ZRANB3: variants seen among roughly 807,000 people sequenced by gnomAD.
ZRANB3 encodes zinc finger RANBP2-type containing 3, also known as DNA annealing helicase and endonuclease ZRANB3.
ZRANB3 carries 125 observed loss-of-function variants against 133.8 expected under a neutral mutation model. The ratio of observed to expected loss-of-function variants is 0.93; its 90% CI spans 0.81 to 1.08. The LOEUF (loss-of-function observed/expected upper bound fraction) is 1.08, where lower values mean the gene tolerates loss of function less well. Ranked by LOEUF, ZRANB3 falls within the 50% of genes least tolerant of loss-of-function variation. The pLI is 0.00. For synonymous variants in ZRANB3, 387 were observed against 432.7 expected, an observed-to-expected ratio of 0.89 and a Z score of 1.31; for missense variants, 1,229 against 1,275.5, an observed-to-expected ratio of 0.96 and a Z score of 0.56.
At chr2:135,391,422 A>G (rs914568203) in intron 2 of ZRANB3, among the ~76,000 whole-genome samples, 1 of 152,128 alleles carries the variant, frequency 6.6e-6, no homozygotes, top group Non-Finnish European at 1.5e-5. Flanking sequence ...TGTACCAATG[A>G]CCACCCTCCT....
chr2:135,504,318 A>G lies in ZRANB3; in HGVS notation c.161+11T>C. On this transcript the variant is annotated intron_variant, in intron 2 of 20. Transcript: ENST00000264159. ...ATTTAACATTTTTAGCATGTCTTCA[A>G]AGAACTTTACCTGCCATTTCTTTTG... 1 of 1,612,962 alleles carries G rather than the reference A, an allele frequency of 6.2e-7. No individual in the cohort carries two copies. The highest frequency in any genetic ancestry group is 8.5e-7 in the Non-Finnish European group (1 of 1,179,466).
chr2:135,355,101 G>A, intron 3 of ZRANB3: 2 of 346,740 alleles, frequency 5.8e-6, no homozygotes, highest in Non-Finnish European at 8.1e-6. Context: ...GAAAAGAGCA[G>A]ATTTTGGACT....
In ZRANB3 at chr2:135,197,514, G is replaced by C. The variant is rs1573649129; in HGVS notation, c.*2828C>G. 1 of 152,210 alleles carries C rather than the reference G, an allele frequency of 6.6e-6. No homozygotes were observed. The highest frequency in any genetic ancestry group is 2.4e-5 in the African/African-American group (1 of 41,448). The allele number at this position is 152,210 out of a possible 1,614,324, so 9.4% of individuals were successfully genotyped here. A position where few individuals can be genotyped will look rare whatever the true frequency, so the allele number is the denominator to read the frequency against. On this transcript the variant is annotated 3_prime_UTR_variant, in exon 21 of 21. Transcript: ENST00000264159. ...AGGAAAATCTCCCCAAGAAATGTAC[G>C]TTGGGCTGTAATTAACGCCAAGAGT...
At chr2:135,497,090 G>A (rs55693901) in intron 2 of ZRANB3, among the ~76,000 whole-genome samples, 15,874 of 152,118 alleles carry the variant, frequency 0.1, 1,091 homozygotes, top group South Asian at 0.32. Flanking sequence ...ACAGGACACC[G>A]AAAGAGCAAT....
chr2:135,259,446 C>G (rs1253017157), intron 12 of ZRANB3, among the ~76,000 whole-genome samples: 3 of 151,542 alleles, frequency 2.0e-5, no homozygotes, highest in Middle Eastern at 3.2e-3. Flanking sequence ...TGGAGTTTCG[C>G]TGTTGTTGCC....
chr2:135,366,685 A>G (rs1382414442), intron 3 of ZRANB3, among the ~76,000 whole-genome samples: 1 of 152,156 alleles, frequency 6.6e-6, no homozygotes, highest in East Asian at 1.9e-4. Flanking sequence ...AGAAAAAGAA[A>G]GAGAAAACTA....
chr2:135,250,123 A>G (rs1438844532), intron 12 of ZRANB3, among the ~76,000 whole-genome samples: 1 of 152,154 alleles, frequency 6.6e-6, no homozygotes, highest in Non-Finnish European at 1.5e-5. Context: ...GGGGATGAGG[A>G]ATTTGCTGGG....
intron 12 of ZRANB3, among the ~76,000 whole-genome samples, chr2:135,261,166 G>A (rs1679945898): frequency 6.6e-6 from 1 of 151,908 alleles, no homozygotes; most frequent in Admixed American, 6.6e-5. Flanking sequence ...TCTAAAAATG[G>A]AGATGCTGGA....
chr2:135,443,225 G>T (rs1194270840), intron 2 of ZRANB3, among the ~76,000 whole-genome samples: 1 of 152,006 alleles, frequency 6.6e-6, no homozygotes, highest in African/African-American at 2.4e-5. Flanking sequence ...TCCTTTACAG[G>T]GACATGGAAG....
chr2:135,405,245 G>A (rs550240279), intron 2 of ZRANB3, among the ~76,000 whole-genome samples: 12 of 152,146 alleles, frequency 7.9e-5, no homozygotes, highest in Non-Finnish European at 1.5e-5. Flanking sequence ...AATGGTAAAG[G>A]GATAAGTTCA....
At chr2:135,217,113 G>T (rs1460719559) in intron 17 of ZRANB3, among the ~76,000 whole-genome samples, 1 of 152,172 alleles carries the variant, frequency 6.6e-6, no homozygotes, top group Non-Finnish European at 1.5e-5. Flanking sequence ...AGCAGATGGG[G>T]TCCAGAGGCA....
At chr2:135,237,836 A>G (rs1401485433) in intron 12 of ZRANB3, among the ~76,000 whole-genome samples, 1 of 151,812 alleles carries the variant, frequency 6.6e-6, no homozygotes. Flanking sequence ...GATATACCTA[A>G]TGTTAAATGA....
At chr2:135,454,408 C>G (rs190146003) in intron 2 of ZRANB3, among the ~76,000 whole-genome samples, 130 of 151,676 alleles carry the variant, frequency 8.6e-4, no homozygotes, top group Admixed American at 4.4e-3. Context: ...GTCTCTCACT[C>G]TCTCTCTTTT....
intron 6 of ZRANB3, among the ~76,000 whole-genome samples, chr2:135,341,816 C>T (rs372943143): frequency 1.3e-5 from 2 of 150,090 alleles, no homozygotes; most frequent in East Asian, 3.9e-4. Flanking sequence ...CCCTGGTCTC[C>T]TGCAGCGCCC....
intron 3 of ZRANB3, among the ~76,000 whole-genome samples, chr2:135,357,312 T>G (rs563747737): frequency 1.3e-5 from 2 of 152,054 alleles, no homozygotes; most frequent in Non-Finnish European, 2.9e-5. Flanking sequence ...TTTCTTTTTC[T>G]TGAAACGGAG....
intron 6 of ZRANB3, among the ~76,000 whole-genome samples, chr2:135,322,900 C>T (rs2104836050): frequency 6.6e-6 from 1 of 151,902 alleles, no homozygotes; most frequent in Admixed American, 6.6e-5. Context: ...ACCTGTAATC[C>T]CAGCTACTTG....
At chr2:135,365,080 TAATA>T (rs1240886472) in intron 3 of ZRANB3, among the ~76,000 whole-genome samples, 1 of 150,662 alleles carries the variant, frequency 6.6e-6, no homozygotes, top group East Asian at 1.9e-4. Context: ...TAAAAATAAA[TAATA>T]AATAAATGAA....
intron 12 of ZRANB3, among the ~76,000 whole-genome samples, chr2:135,258,973 A>T (rs1305207117): frequency 6.6e-6 from 1 of 152,198 alleles, no homozygotes; most frequent in Non-Finnish European, 1.5e-5. Flanking sequence ...CAAAGCAAAC[A>T]TTTCATACAA....
chr2:135,219,066 A>G lies in ZRANB3; in HGVS notation c.2352+11T>C. 1 of 1,442,942 alleles carries G rather than the reference A, an allele frequency of 6.9e-7. No homozygotes were observed. The highest frequency in any genetic ancestry group is 9.1e-7 in the Non-Finnish European group (1 of 1,094,280). The allele number at this position is 1,442,942 out of a possible 1,614,324, so 89.4% of individuals were successfully genotyped here. A position where few individuals can be genotyped will look rare whatever the true frequency, so the allele number is the denominator to read the frequency against. On this transcript the variant is annotated intron_variant, in intron 16 of 20. Transcript: ENST00000264159. ...AGTAAATAAAGCCATTTTATTTAAA[A>G]CTATTCTTACCAGTGAGCGATATTG...
Sources: gnomAD v4.1 joint callset for allele counts (sites outside exome capture counted in the v4.1 genomes callset) on GRCh38, gnomAD v4.1.1 for gene constraint, MANE v1.5 for transcripts, NCBI Gene and HGNC (gene_info 2026-07-23, HGNC 2026-07-21) for gene names.